Variants in ABHD12B observed in about 807,000 individuals in gnomAD.
ABHD12B encodes protein ABHD12B.
In ABHD12B, 42 loss-of-function variants were observed where a neutral mutation model predicts 50.4. The ratio of observed to expected loss-of-function variants is 0.83; its 90% CI spans 0.65 to 1.08. The LOEUF is 1.08. ABHD12B is among the 50% of genes least tolerant of loss of function. ABHD12B has a pLI of 0.00. For missense variants in ABHD12B, 479 were observed against 447.7 expected, an observed-to-expected ratio of 1.07 and a Z score of -0.63; for synonymous variants, 167 against 160.3, an observed-to-expected ratio of 1.04 and a Z score of -0.32.
chr14:50,899,344 CA>C (rs2050236381), intron 9 of ABHD12B, among the ~76,000 whole-genome samples: 1 of 152,228 alleles, frequency 6.6e-6, no homozygotes. Context: ...AAAATGACAT[CA>C]ATTACTTTCT....
At chr14:50,884,428 T>C (rs1201518448) in intron 5 of ABHD12B, among the ~76,000 whole-genome samples, 1 of 152,236 alleles carries the variant, frequency 6.6e-6, no homozygotes, top group Non-Finnish European at 1.5e-5. Context: ...AAGTTCCTAA[T>C]GAGGTTTTGC....
intron 1 of ABHD12B, among the ~76,000 whole-genome samples, chr14:50,874,599 CA>C (rs60172918): frequency 7.0e-6 from 1 of 142,776 alleles, no homozygotes; most frequent in African/African-American, 2.6e-5. Context: ...GACTCCGTCT[CA>C]AAAAAAAATA....
chr14:50,877,975 T>A lies in ABHD12B; in HGVS notation c.128T>A (p.Met43Lys). The change falls in exon 2 of 13, where the codon ATG (methionine) becomes AAG (lysine). Residue 43 changes from methionine to lysine, a missense_variant. Met to Lys is a moderately conservative substitution (Grantham distance 95). Coordinates refer to ENST00000337334, the MANE Select transcript of ABHD12B (RefSeq NM_001206673.2). The part of the protein sequence containing the change: ...NLRYFPHSCS[M>K]LGRKIAALYD... ...AGATATTTTCCACACTCCTGTTCAA[T>A]GCTCGGAAGAAAAATTGCTGCTCTG... 1 of 1,534,122 alleles carries A rather than the reference T, an allele frequency of 6.5e-7. No individual in the cohort carries two copies. Among genetic ancestry groups the A allele is most frequent in the Non-Finnish European group, 8.7e-7 (1 of 1,146,242 alleles).
At chr14:50,884,807 C>T (rs1005447066) in intron 5 of ABHD12B, among the ~76,000 whole-genome samples, 39 of 149,312 alleles carry the variant, frequency 2.6e-4, no homozygotes, top group African/African-American at 9.7e-4. Context: ...CCTTAGCTTC[C>T]TAGGTTCAAG....
At chr14:50,886,137 T>G (rs2050033728) in intron 7 of ABHD12B, among the ~76,000 whole-genome samples, 2 of 152,252 alleles carry the variant, frequency 1.3e-5, no homozygotes, top group South Asian at 4.2e-4. Context: ...TTCTGAGGGT[T>G]TTAAAGGAAA....
chr14:50,888,887 A>G lies in ABHD12B; in HGVS notation c.764A>G (p.Asn255Ser), dbSNP rs754058688. The G allele has an allele frequency of 1.9e-5, 31 of 1,613,990 alleles. No individual in the cohort carries two copies. The highest frequency in any genetic ancestry group is 2.6e-5 in the Non-Finnish European group (31 of 1,179,988). ...ACCAACATGTGGGTTGCAAGTATCA[A>G]TTATCCCTTGTTAAAGGTGAGACTC... The part of the protein sequence containing the change: ...PFTNMWVASI[N>S]YPLLKIYRNI... Residue 255 changes from asparagine (N) to serine (S), a missense_variant, in exon 9 of 13, where the codon AAT (asparagine) becomes AGT (serine). Coordinates refer to ENST00000337334, the MANE Select transcript of ABHD12B (RefSeq NM_001206673.2).
At position 50,888,877 on chromosome 14, in the gene ABHD12B, G is replaced by GC; in HGVS notation, c.755dup (p.Ser253LysfsTer33). 1 of 1,613,996 alleles carries GC rather than the reference G, an allele frequency of 6.2e-7. No homozygotes were observed. The highest frequency in any genetic ancestry group is 1.1e-5 in the South Asian group (1 of 91,074). On this transcript the variant is annotated frameshift_variant, in exon 9 of 13. Transcript: ENST00000337334. ...AGCTCCATTTACCAACATGTGGGTT[G>GC]CAAGTATCAATTATCCCTTGTTAAA... is the stretch of plus-strand genomic sequence containing the variant.
chr14:50,878,211 C>T, intron 2 of ABHD12B, 132 bp downstream of exon 2: 1 of 804,274 alleles, frequency 1.2e-6, no homozygotes, highest in Non-Finnish European at 1.8e-6. Context: ...TGGTCTGAAA[C>T]TTATTTAATA....
chr14:50,888,991 A>T (rs1566489655), intron 9 of ABHD12B, 88 bp downstream of exon 9: 1 of 1,039,992 alleles, frequency 9.6e-7, no homozygotes, highest in Non-Finnish European at 1.4e-6. Context: ...GTTTATTAAC[A>T]GTCTTCCTTT....
chr14:50,882,685 G>A (rs2049974262), intron 5 of ABHD12B, among the ~76,000 whole-genome samples: 2 of 152,104 alleles, frequency 1.3e-5, no homozygotes, highest in African/African-American at 4.8e-5. Flanking sequence ...CACCCAGAAT[G>A]TCTGCTTTTA....
chr14:50,878,735 T>C lies in ABHD12B; in HGVS notation c.233-10T>C, dbSNP rs754040015. The C allele has an allele frequency of 2.5e-6, 4 of 1,605,270 alleles. No individual in the cohort carries two copies. Among genetic ancestry groups the C allele is most frequent in the Middle Eastern group, 3.3e-4 (2 of 6,050 alleles). ...GATTCTTGAAGTTGATAATGATTTT[T>C]ACTTTCCAGTCAAAGCCCCATTTCT... On this transcript the variant is annotated splice_polypyrimidine_tract_variant and intron_variant, in intron 2 of 12. Coordinates refer to ENST00000337334, the MANE Select transcript of ABHD12B (RefSeq NM_001206673.2).
At chr14:50,902,361 G>A (rs1246123645) in intron 10 of ABHD12B, among the ~76,000 whole-genome samples, 1 of 152,144 alleles carries the variant, frequency 6.6e-6, no homozygotes, top group Non-Finnish European at 1.5e-5. Context: ...GCACGTGCCT[G>A]TCATCCCAAC....
intron 3 of ABHD12B, among the ~76,000 whole-genome samples, chr14:50,879,791 T>C (rs942605142): frequency 5.9e-5 from 9 of 152,228 alleles, no homozygotes; most frequent in Non-Finnish European, 1.3e-4. Flanking sequence ...GCAGTGCCTA[T>C]ATTCGGAGTA....
intron 10 of ABHD12B, among the ~76,000 whole-genome samples, chr14:50,902,267 G>A (rs75661600): frequency 0.011 from 1,735 of 152,160 alleles, 29 homozygotes; most frequent in African/African-American, 0.04. Context: ...AGGATAGCTT[G>A]AGCCCAGAAG....
chr14:50,872,300 C>T (rs2049796616), intron 1 of ABHD12B, 22 bp downstream of exon 1: 2 of 1,273,880 alleles, frequency 1.6e-6, no homozygotes, highest in East Asian at 6.4e-5. Context: ...CCGGTCCACC[C>T]CTGGCCGGGC....
In ABHD12B at chr14:50,904,114, G is replaced by A. The variant is rs779132085; in HGVS notation, c.983G>A (p.Arg328Lys). The change falls in exon 12 of 13, where the codon AGG (arginine) becomes AAG (lysine). Residue 328 changes from arginine (R) to lysine (K), a missense_variant. Arg to Lys is a conservative substitution (Grantham distance 26). Coordinates refer to ENST00000337334, the MANE Select transcript of ABHD12B (RefSeq NM_001206673.2). ...CGCAATGCATACAGGAACAAAGAGA[G>A]GGTCAAGATGGTTATCTTTCCTCCT... ...IARNAYRNKE[R>K]VKMVIFPPGF... The A allele has an allele frequency of 8.7e-6, 14 of 1,613,982 alleles. No individual in the cohort carries two copies. The African/African-American group carries it at 9.3e-5, about 11-fold the overall frequency.
In ABHD12B at chr14:50,904,102, G is replaced by T. The variant is rs781186395; in HGVS notation, c.971G>T (p.Arg324Met). The T allele has an allele frequency of 1.4e-5, 22 of 1,613,934 alleles. No homozygotes were observed. In the East Asian group the frequency reaches 4.9e-4, roughly 36 times the overall value. The change falls in exon 12 of 13, where the codon AGG (arginine) becomes ATG (methionine). Residue 324 changes from arginine to methionine, a missense_variant. By Grantham distance (91) the Arg-to-Met change is moderately conservative. Transcript: ENST00000337334. ...TATGAAATTGCACGCAATGCATACAGGAACAAAGAGAGGGTCAAGATGGTT... is the reference window on the plus strand; with the variant it reads ...TATGAAATTGCACGCAATGCATACATGAACAAAGAGAGGGTCAAGATGGTT... ...KLYEIARNAY[R>M]NKERVKMVIF...
At chr14:50,897,994 A>C (rs2050217871) in intron 9 of ABHD12B, among the ~76,000 whole-genome samples, 1 of 152,184 alleles carries the variant, frequency 6.6e-6, no homozygotes, top group Non-Finnish European at 1.5e-5. Flanking sequence ...GCCAATGAAG[A>C]CTTCAGAGCC....
intron 5 of ABHD12B, among the ~76,000 whole-genome samples, chr14:50,883,228 G>T (rs1015120011): frequency 1.8e-4 from 27 of 152,298 alleles, no homozygotes; most frequent in African/African-American, 6.3e-4. Flanking sequence ...CTGGTGACCG[G>T]CTGGTGACCA....
Sources: gnomAD v4.1 joint callset for allele counts (sites outside exome capture counted in the v4.1 genomes callset) on GRCh38, gnomAD v4.1.1 for gene constraint, MANE v1.5 for transcripts, NCBI Gene and HGNC (gene_info 2026-07-23, HGNC 2026-07-21) for gene names.